Variants in PPARGC1A observed in about 807,000 individuals in gnomAD.
The protein encoded by PPARGC1A is PPARG coactivator 1 alpha.
Under a neutral mutation model 88.7 loss-of-function variants are expected in PPARGC1A, and 25 were observed. That is an observed-to-expected ratio of 0.28 (90% CI 0.21 to 0.39). PPARGC1A has a LOEUF of 0.39. PPARGC1A is among the 10% of genes least tolerant of loss of function. The pLI, the probability that PPARGC1A is intolerant of heterozygous loss-of-function variation, is 1.00. For synonymous variants in PPARGC1A, 363 were observed against 355.6 expected (o/e 1.02, Z -0.24); for missense variants, 880 against 968.7 (o/e 0.91, Z 1.22).
the PPARGC1A span, among the ~76,000 whole-genome samples, chr4:24,029,781 G>C: frequency 3.3e-5 from 5 of 151,514 alleles, no homozygotes; most frequent in African/African-American, 1.2e-4. Flanking sequence ...TAAAACCACA[G>C]GAAAAAAAAA....
At chr4:23,830,404 C>A (rs529501397) in intron 3 of PPARGC1A, among the ~76,000 whole-genome samples, 1 of 152,150 alleles carries the variant, frequency 6.6e-6, no homozygotes, top group Non-Finnish European at 1.5e-5. Flanking sequence ...TCTGAGTCAA[C>A]TGCTCTTCCC....
the PPARGC1A span, among the ~76,000 whole-genome samples, chr4:24,085,828 T>C: frequency 1.1e-4 from 16 of 152,314 alleles, no homozygotes; most frequent in Middle Eastern, 3.4e-3. Context: ...CTATAAGCTC[T>C]GGATCCAGGC....
chr4:23,798,601 GT>G (rs1441148970), intron 12 of PPARGC1A, among the ~76,000 whole-genome samples: 1 of 152,042 alleles, frequency 6.6e-6, no homozygotes, highest in Admixed American at 6.6e-5. Context: ...TTTTTTAAAT[GT>G]TTAAGTTATG....
chr4:24,370,370 G>A, the PPARGC1A span, among the ~76,000 whole-genome samples: 7 of 152,260 alleles, frequency 4.6e-5, no homozygotes, highest in East Asian at 1.9e-4. Flanking sequence ...AAATAATAGC[G>A]ACGGTGTATA....
chr4:24,227,252 T>A, the PPARGC1A span, among the ~76,000 whole-genome samples: 1 of 152,038 alleles, frequency 6.6e-6, no homozygotes, highest in Non-Finnish European at 1.5e-5. Context: ...GCCCAGCTAA[T>A]GTTTTTGTAC....
chr4:24,470,277 G>GACACAGACACACACACACACAC, the PPARGC1A span, among the ~76,000 whole-genome samples: 17 of 110,738 alleles, frequency 1.5e-4, no homozygotes, highest in Non-Finnish European at 1.3e-4. This position sits in a 1 kb window ranked among gnomAD's most constrained non-coding sequence, Gnocchi z 5.8. Context: ...GACAGACACA[G>GACACAGACACACACACACACAC]ACACACACAC....
At chr4:23,965,761 C>G in the PPARGC1A span, among the ~76,000 whole-genome samples, 1 of 152,284 alleles carries the variant, frequency 6.6e-6, no homozygotes, top group East Asian at 1.9e-4. Context: ...CCAACCCACT[C>G]CTTTAACTCC....
chr4:24,207,204 A>G, the PPARGC1A span, among the ~76,000 whole-genome samples: 1 of 152,176 alleles, frequency 6.6e-6, no homozygotes, highest in Non-Finnish European at 1.5e-5. Flanking sequence ...AAGAGAGGTT[A>G]CTCAATGGAG....
chr4:24,309,607 G>C, the PPARGC1A span, among the ~76,000 whole-genome samples: 1 of 152,060 alleles, frequency 6.6e-6, no homozygotes, highest in African/African-American at 2.4e-5. Context: ...TTAGAGACAG[G>C]GTTTCACTCT....
At chr4:23,971,260 A>G in the PPARGC1A span, among the ~76,000 whole-genome samples, 3 of 152,190 alleles carry the variant, frequency 2.0e-5, no homozygotes, top group Non-Finnish European at 2.9e-5. Flanking sequence ...ATAGTAATGT[A>G]GTAATTCATG....
chr4:24,211,707 T>A, the PPARGC1A span, among the ~76,000 whole-genome samples: 1 of 152,176 alleles, frequency 6.6e-6, no homozygotes, highest in South Asian at 2.1e-4. Context: ...CTTAACCATT[T>A]TGTCCCTCCA....
chr4:24,464,566 C>T, the PPARGC1A span, among the ~76,000 whole-genome samples: 1 of 152,186 alleles, frequency 6.6e-6, no homozygotes, highest in South Asian at 2.1e-4. Flanking sequence ...ACAACCAACA[C>T]ACTTTCTAAT....
chr4:24,304,331 T>C, the PPARGC1A span, among the ~76,000 whole-genome samples: 1 of 152,170 alleles, frequency 6.6e-6, no homozygotes, highest in African/African-American at 2.4e-5. Flanking sequence ...TATTATAACT[T>C]ATTATAACTT....
chr4:24,220,115 GA>G, the PPARGC1A span, among the ~76,000 whole-genome samples: 80 of 152,104 alleles, frequency 5.3e-4, 1 homozygote, highest in African/African-American at 1.8e-3. Flanking sequence ...CAACAAACAT[GA>G]AAAAAATGCT....
the PPARGC1A span, among the ~76,000 whole-genome samples, chr4:24,378,052 C>A: frequency 4.6e-5 from 7 of 152,176 alleles, no homozygotes; most frequent in African/African-American, 1.7e-4. Context: ...AAATACTAAT[C>A]TGGGCTGGGC....
intron 2 of PPARGC1A, among the ~76,000 whole-genome samples, chr4:23,858,457 G>A (rs1730601805): frequency 6.6e-6 from 1 of 152,188 alleles, no homozygotes; most frequent in African/African-American, 2.4e-5. Context: ...GCTAAGATTT[G>A]AAAGGCAGGC....
chr4:24,454,666 A>T, the PPARGC1A span, among the ~76,000 whole-genome samples: 4 of 152,038 alleles, frequency 2.6e-5, no homozygotes, highest in African/African-American at 9.6e-5. Flanking sequence ...TGAACCTGAG[A>T]GGTTGAGGCT....
chr4:24,164,479 G>T, the PPARGC1A span, among the ~76,000 whole-genome samples: 1 of 152,182 alleles, frequency 6.6e-6, no homozygotes, highest in Non-Finnish European at 1.5e-5. Flanking sequence ...GGGGAGCAAT[G>T]CCCAGAGACT....
At chr4:24,229,385 GTGA>G in the PPARGC1A span, among the ~76,000 whole-genome samples, 1 of 150,132 alleles carries the variant, frequency 6.7e-6, no homozygotes, top group Non-Finnish European at 1.5e-5. Context: ...CTGACCTCAG[GTGA>G]TCTGCCCACC....
Sources: allele counts gnomAD v4.1 joint callset (sites outside exome capture counted in the v4.1 genomes callset), GRCh38; gene constraint gnomAD v4.1.1; non-coding constraint Gnocchi (gnomAD v3.1); transcripts MANE v1.5; gene names NCBI Gene and HGNC (gene_info 2026-07-23, HGNC 2026-07-21).